Variants in RBFOX1 observed in about 807,000 individuals in gnomAD.
RBFOX1 encodes RNA binding protein fox-1 homolog 1.
RBFOX1 carries 8 observed loss-of-function variants against 57.7 expected under a neutral mutation model. The ratio of observed to expected loss-of-function variants is 0.14; its 90% CI spans 0.08 to 0.25. The LOEUF (loss-of-function observed/expected upper bound fraction) is 0.25, where lower values mean the gene tolerates loss of function less well. Among genes scored for constraint, RBFOX1 ranks in the 10% least tolerant of loss-of-function variants. The pLI is 1.00. For missense variants in RBFOX1, 611 were observed against 548.5 expected, an observed-to-expected ratio of 1.11 and a Z score of -1.14; for synonymous variants, 326 against 222.4, an observed-to-expected ratio of 1.47 and a Z score of -4.15.
intron 3 of RBFOX1, among the ~76,000 whole-genome samples, chr16:6,948,615 C>T (rs1278466394): frequency 6.6e-6 from 1 of 151,926 alleles, no homozygotes; most frequent in East Asian, 1.9e-4. Flanking sequence ...CTGCTGACTT[C>T]AAATGATCTG....
At chr16:6,760,687 C>T (rs1300804001) in intron 3 of RBFOX1, among the ~76,000 whole-genome samples, 1 of 152,106 alleles carries the variant, frequency 6.6e-6, no homozygotes, top group Non-Finnish European at 1.5e-5. Flanking sequence ...CCTTTCTCTG[C>T]AAGGTTTGTA....
intron 3 of RBFOX1, among the ~76,000 whole-genome samples, chr16:5,820,280 T>C (rs2055797069): frequency 6.6e-6 from 1 of 152,202 alleles, no homozygotes; most frequent in South Asian, 2.1e-4. Flanking sequence ...TTCAGTTCTT[T>C]GTCTTCGGCA....
intron 1 of RBFOX1, among the ~76,000 whole-genome samples, chr16:6,295,629 G>T (rs1016289556): frequency 6.6e-6 from 1 of 152,236 alleles, no homozygotes; most frequent in African/African-American, 2.4e-5. Context: ...CGCTGTCTGT[G>T]TTTATGAGCG....
chr16:5,643,405 T>A (rs948200112), intron 3 of RBFOX1, among the ~76,000 whole-genome samples: 1 of 152,158 alleles, frequency 6.6e-6, no homozygotes, highest in African/African-American at 2.4e-5. Flanking sequence ...TCATTGTGGG[T>A]GGACTTGGCC....
At chr16:5,270,446 C>T (rs1567260243) in intron 1 of RBFOX1, 1 of 852,492 alleles carries the variant, frequency 1.2e-6, no homozygotes, top group Non-Finnish European at 2.0e-6. Flanking sequence ...TGAAGATGTT[C>T]AGGGCAGAAA....
chr16:5,417,284 G>A (rs562677720), intron 1 of RBFOX1, among the ~76,000 whole-genome samples: 21 of 152,192 alleles, frequency 1.4e-4, no homozygotes, highest in Non-Finnish European at 1.8e-4. Context: ...GTGTCCGAAC[G>A]TAATTTAATG....
chr16:5,385,784 G>A (rs1045845681), intron 1 of RBFOX1, among the ~76,000 whole-genome samples: 2 of 152,154 alleles, frequency 1.3e-5, no homozygotes, highest in Non-Finnish European at 2.9e-5. Context: ...TCGAGCAGTG[G>A]CCTTGTCTGT....
intron 4 of RBFOX1, among the ~76,000 whole-genome samples, chr16:7,163,834 G>GT (rs1452322424): frequency 6.6e-6 from 1 of 151,760 alleles, no homozygotes; most frequent in Non-Finnish European, 1.5e-5. Context: ...TTTTTGTATT[G>GT]TTTTTGGTAG....
intron 4 of RBFOX1, among the ~76,000 whole-genome samples, chr16:5,919,891 T>G (rs13339452): frequency 0.061 from 9,264 of 152,238 alleles, 978 homozygotes; most frequent in African/African-American, 0.21. Context: ...TGCCTTTTTT[T>G]TCACTGAGCA....
intron 4 of RBFOX1, among the ~76,000 whole-genome samples, chr16:7,227,099 A>T (rs780605769): frequency 6.6e-6 from 1 of 152,116 alleles, no homozygotes; most frequent in South Asian, 2.1e-4. Context: ...CATTTATAGA[A>T]CCTGTTTGGT....
chr16:7,686,806 A>G (rs2076162619), intron 14 of RBFOX1, among the ~76,000 whole-genome samples: 1 of 152,098 alleles, frequency 6.6e-6, no homozygotes, highest in Admixed American at 6.6e-5. Context: ...GAGCCTAGAC[A>G]AGAAGTGCAG....
At chr16:7,079,996 T>TTG (rs535423209) in intron 4 of RBFOX1, among the ~76,000 whole-genome samples, 3 of 148,012 alleles carry the variant, frequency 2.0e-5, no homozygotes, top group Non-Finnish European at 4.5e-5. Flanking sequence ...ATTAAATTCA[T>TTG]TGTGTATATA....
intron 3 of RBFOX1, among the ~76,000 whole-genome samples, chr16:6,922,247 G>C (rs1011185073): frequency 2.0e-5 from 3 of 152,140 alleles, no homozygotes; most frequent in African/African-American, 7.2e-5. Flanking sequence ...ATCTCAGAAA[G>C]ACCTGAGCAT....
At chr16:5,819,864 G>C (rs73514239) in intron 3 of RBFOX1, among the ~76,000 whole-genome samples, 5,043 of 152,276 alleles carry the variant, frequency 0.033, 238 homozygotes, top group African/African-American at 0.11. Context: ...AGCTAGCTTT[G>C]TACCTCAAGT....
chr16:5,619,515 C>T (rs1356576275), intron 3 of RBFOX1, among the ~76,000 whole-genome samples: 1 of 152,172 alleles, frequency 6.6e-6, no homozygotes, highest in Non-Finnish European at 1.5e-5. Flanking sequence ...GCGATCTTAT[C>T]CTGTTAGCCT....
chr16:7,489,035 ATCTT>A (rs2066208785), intron 4 of RBFOX1, among the ~76,000 whole-genome samples: 2 of 152,238 alleles, frequency 1.3e-5, no homozygotes, highest in South Asian at 4.2e-4. Flanking sequence ...ATCTATCTCT[ATCTT>A]TATAAAATCT....
At chr16:6,610,296 A>G (rs1690249771) in intron 2 of RBFOX1, among the ~76,000 whole-genome samples, 1 of 148,384 alleles carries the variant, frequency 6.7e-6, no homozygotes. Flanking sequence ...GAATTATGGA[A>G]GAAACTCATC....
At chr16:7,598,859 C>T (rs376569768) in intron 9 of RBFOX1, among the ~76,000 whole-genome samples, 2 of 152,110 alleles carry the variant, frequency 1.3e-5, no homozygotes, top group East Asian at 1.9e-4. Context: ...GAACTAAATA[C>T]TGATTGTTTA....
intron 3 of RBFOX1, among the ~76,000 whole-genome samples, chr16:6,700,286 G>A (rs754230605): frequency 1.3e-5 from 2 of 151,794 alleles, no homozygotes; most frequent in Non-Finnish European, 2.9e-5. Context: ...TTGTTGAAAT[G>A]AAATGAAAAA....
Sources: gnomAD v4.1 joint callset for allele counts (sites outside exome capture counted in the v4.1 genomes callset) on GRCh38, gnomAD v4.1.1 for gene constraint, MANE v1.5 for transcripts, NCBI Gene and HGNC (gene_info 2026-07-23, HGNC 2026-07-21) for gene names.